Variants in PCM1 observed in about 807,000 individuals in gnomAD.
The protein encoded by PCM1 is pericentriolar material 1, also known as pericentriolar material 1 protein.
Under a neutral mutation model 241.9 loss-of-function variants are expected in PCM1, and 157 were observed. The ratio of observed to expected loss-of-function variants is 0.65; its 90% confidence interval spans 0.57 to 0.74. PCM1 has a LOEUF of 0.74. PCM1 is among the 30% of genes least tolerant of loss of function. PCM1 has a pLI of 0.00. For synonymous variants in PCM1, 1,085 were observed against 784.9 expected (o/e 1.38, Z -6.39); for missense variants, 3,478 against 2,360.1 (o/e 1.47, Z -9.81).
intron 29 of PCM1, among the ~76,000 whole-genome samples, chr8:17,995,427 C>A (rs568054546): frequency 1.3e-5 from 2 of 151,354 alleles, no homozygotes; most frequent in African/African-American, 4.9e-5. Flanking sequence ...GTCTGTGTTT[C>A]TGTTGTTTGT....
chr8:17,966,151 T>G lies in PCM1; in HGVS notation c.3008T>G (p.Ile1003Ser). The change falls in exon 19 of 39, where the codon ATC (isoleucine) becomes AGC (serine). Residue 1003 changes from isoleucine to serine, a missense_variant. Transcript: ENST00000325083. ...GAGAAAGAACAATGGCAAGAACAAA[T>G]CAATCAGCTAAAGAAACAGCTTGAT... ...VEEKEQWQEQ[I>S]NQLKKQLDFS... 1 of 1,613,904 alleles carries G rather than the reference T, an allele frequency of 6.2e-7. No homozygotes were observed. Among genetic ancestry groups the G allele is most frequent in the Middle Eastern group, 1.7e-4 (1 of 6,060 alleles).
intron 18 of PCM1, 38 bp from the exon 19 acceptor site, chr8:17,965,954 CAAATTAT>C: frequency 6.9e-7 from 1 of 1,444,406 alleles, no homozygotes; most frequent in Non-Finnish European, 9.4e-7. Context: ...TTTTAAAAAC[CAAATTAT>C]TATGTATGAT....
Position 18,027,774 on chromosome 8 carries a change from T to C in PCM1, c.*112T>C, listed in dbSNP as rs773725749. On this transcript the variant is annotated 3_prime_UTR_variant, in exon 39 of 39. Transcript: ENST00000325083. ...AAAATGTAAATTAGTTTGACACTGC[T>C]TTTTTGATAGGTGTGGTCATTTCTC... 12 of 664,698 alleles carry C rather than the reference T, an allele frequency of 1.8e-5. No homozygotes were observed. Among genetic ancestry groups the C allele is most frequent in the Non-Finnish European group, 2.9e-5 (12 of 406,796 alleles). 41.2% of individuals were successfully genotyped at this position (664,698 alleles called of 1,614,324 possible). A position where few individuals can be genotyped will look rare whatever the true frequency, so the allele number is the denominator to read the frequency against.
chr8:17,996,834 C>A (rs1156465020), intron 29 of PCM1, among the ~76,000 whole-genome samples: 5 of 152,076 alleles, frequency 3.3e-5, no homozygotes, highest in Non-Finnish European at 7.4e-5. Context: ...TGCTTTTTAA[C>A]TCTTTGTTGT....
At chr8:17,956,057 A>G (rs2068263595) in intron 10 of PCM1, 1 of 225,140 alleles carries the variant, frequency 4.4e-6, no homozygotes, top group South Asian at 6.5e-5. Context: ...TAGGGATGAT[A>G]ATATACCTGT....
At position 18,028,813 on chromosome 8, in the gene PCM1, A is replaced by AAAT. The variant is rs1371550981; in HGVS notation, c.*1153_*1155dup. On this transcript the variant is annotated 3_prime_UTR_variant, in exon 39 of 39. Transcript: ENST00000325083. ...AGTATTTTAACTTTGTTAACAACTG[A>AAAT]AATACCCCATAAAAAAAGAACTTGT... is the stretch of plus-strand genomic sequence containing the variant. The AAAT allele has an allele frequency of 1.1e-5, 2 of 188,042 alleles. No homozygotes were observed. Among genetic ancestry groups the AAAT allele is most frequent in the Non-Finnish European group, 2.2e-5 (2 of 89,238 alleles). The allele number at this position is 188,042 out of a possible 1,614,324, so 11.6% of individuals were successfully genotyped here.
chr8:17,994,740 A>C lies in PCM1; in HGVS notation c.4827+1121A>C, dbSNP rs1034279063. Among the ~76,000 whole-genome samples the C allele has an allele frequency of 2.1e-5, 3 of 146,118 alleles. 1 individual carries two copies. The highest frequency in any genetic ancestry group is 8.4e-5 in the African/African-American group (3 of 35,758). On this transcript the variant is annotated intron_variant, in intron 29 of 38. Transcript: ENST00000325083. ...TTTGGGATAAGTGCCATTTTAACAG[A>C]GGTGAGATGATTTCTCGTTGTAGTT...
intron 7 of PCM1, among the ~76,000 whole-genome samples, chr8:17,948,454 A>G (rs1484160875): frequency 1.3e-5 from 2 of 151,536 alleles, no homozygotes; most frequent in East Asian, 1.9e-4. Flanking sequence ...ACAGGTGCGC[A>G]CCACCATGCC....
chr8:17,960,443 A>G lies in PCM1; in HGVS notation c.2321A>G (p.Gln774Arg), dbSNP rs1321197906. ...QALQTACPDL[Q>R]LSAASVGNCP... ...TTGCAAACGGCATGCCCTGACTTAC[A>G]GGTAATTATGAAATTTATTTCTAAT... The change falls in exon 15 of 39, where the codon CAG becomes CGG. Residue 774 changes from glutamine (Q) to arginine (R), a missense_variant and splice_region_variant. Physicochemically the swap from Gln to Arg is conservative, Grantham distance 43. Coordinates refer to ENST00000325083, the MANE Select transcript of PCM1 (RefSeq NM_006197.4). The G allele has an allele frequency of 1.3e-6, 2 of 1,578,654 alleles. No homozygotes were observed. Among genetic ancestry groups the G allele is most frequent in the Middle Eastern group, 1.7e-4 (1 of 5,956 alleles).
chr8:17,971,968 C>T (rs2077006585), intron 22 of PCM1, among the ~76,000 whole-genome samples: 1 of 151,980 alleles, frequency 6.6e-6, no homozygotes, highest in African/African-American at 2.4e-5. Context: ...TGGTCTTGAA[C>T]TCCTGGGCTC....
intron 6 of PCM1, among the ~76,000 whole-genome samples, chr8:17,941,797 A>G (rs775070777): frequency 6.6e-6 from 1 of 152,158 alleles, no homozygotes; most frequent in African/African-American, 2.4e-5. Flanking sequence ...ACTGAGGCCT[A>G]ATAGGAAATA....
Position 17,972,464 on chromosome 8 carries a change from C to G in PCM1, c.3720C>G (p.Arg1240=), listed in dbSNP as rs1384251923. 1.9e-6 allele frequency: 3 copies of G among 1,613,444 alleles called. No homozygotes were observed. Among genetic ancestry groups the G allele is most frequent in the African/African-American group, 2.7e-5 (2 of 74,866 alleles). ...TAGAAAAATCTACAAGTAGTAACCG[C>G]AAAAATCAATTAGATACAAACGGAA... ...VSVEKSTSSN[R]KNQLDTNGRR... is the part of the protein sequence containing the mutation. Residue 1240 remains arginine (R), a synonymous_variant, in exon 23 of 39, where the codon CGC becomes CGG. Coordinates refer to ENST00000325083, the MANE Select transcript of PCM1 (RefSeq NM_006197.4).
intron 36 of PCM1, among the ~76,000 whole-genome samples, chr8:18,019,528 C>G (rs895551355): frequency 6.6e-6 from 1 of 152,094 alleles, no homozygotes; most frequent in Non-Finnish European, 1.5e-5. Context: ...GCTTGTCTTC[C>G]TGAAACTAGA....
At chr8:18,006,454 T>TC in intron 30 of PCM1, 57 bp downstream of exon 30, 3 of 1,256,542 alleles carry the variant, frequency 2.4e-6, no homozygotes, top group Non-Finnish European at 3.4e-6. Flanking sequence ...AGGTTTTTTT[T>TC]CGGGGGGTGG....
intron 36 of PCM1, among the ~76,000 whole-genome samples, chr8:18,021,029 G>C (rs1564443908): frequency 6.6e-6 from 1 of 152,134 alleles, no homozygotes; most frequent in Non-Finnish European, 1.5e-5. Flanking sequence ...GTCTGAAATT[G>C]ACAAAATATG....
rs1196749787 is a variant in PCM1 at position 18,011,385 on chromosome 8, T to C, written c.5350+19T>C. 6.7e-7 allele frequency: 1 copy of C among 1,500,080 alleles called. No homozygotes were observed. Among genetic ancestry groups the C allele is most frequent in the East Asian group, 2.3e-5 (1 of 43,076 alleles). The allele number at this position is 1,500,080 out of a possible 1,614,324, so 92.9% of individuals were successfully genotyped here. A position where few individuals can be genotyped will look rare whatever the true frequency, so the allele number is the denominator to read the frequency against. ...TCTATTAGTAAGTTTAAAGGCTCTG[T>C]ACTATCTTTATACTTTAGTTTTTTG... On this transcript the variant is annotated intron_variant, in intron 33 of 38. Transcript: ENST00000325083.
In PCM1 at chr8:17,947,270, C is replaced by G. The variant is rs1411041872; in HGVS notation, c.868C>G (p.Gln290Glu). The G allele has an allele frequency of 1.2e-6, 2 of 1,610,332 alleles. No individual in the cohort carries two copies. Among genetic ancestry groups the G allele is most frequent in the Non-Finnish European group, 1.7e-6 (2 of 1,176,980 alleles). Residue 290 changes from glutamine to glutamate, a missense_variant, in exon 7 of 39, where the codon CAG becomes GAG. Transcript: ENST00000325083. ...HDLLKRMLQQ[Q>E]EQLRALQGRQ... ...TTTATTAAAAAGAATGTTACAACAG[C>G]AGGAGCAACTAAGAGCTCTACAGGG...
intron 9 of PCM1, among the ~76,000 whole-genome samples, chr8:17,953,752 A>T (rs1011441429): frequency 3.9e-5 from 6 of 152,198 alleles, no homozygotes; most frequent in African/African-American, 1.4e-4. Context: ...ACACGTGTTT[A>T]ACCTTCTTTG....
rs2075094342 is a variant in PCM1 at position 17,966,908 on chromosome 8, A to G, written c.3222-72A>G. The G allele has an allele frequency of 7.4e-6, 10 of 1,349,822 alleles. No individual in the cohort carries two copies. In the South Asian group the frequency reaches 9.4e-5, roughly 13 times the overall value. 83.6% of individuals were successfully genotyped at this position (1,349,822 alleles called of 1,614,324 possible). On this transcript the variant is annotated intron_variant, in intron 20 of 38. Coordinates refer to ENST00000325083, the MANE Select transcript of PCM1 (RefSeq NM_006197.4). ...GCTTTTGAATCATTTTTTTACATGT[A>G]TTCTTCCTGAATGTACTTTATATAT... is the stretch of plus-strand genomic sequence containing the variant.
Sources: allele counts gnomAD v4.1 joint callset (sites outside exome capture counted in the v4.1 genomes callset), GRCh38; gene constraint gnomAD v4.1.1; transcripts MANE v1.5; gene names NCBI Gene and HGNC (gene_info 2026-07-23, HGNC 2026-07-21).